SPOCK1: variants seen among roughly 807,000 people sequenced by gnomAD.
SPOCK1 encodes testican-1.
A neutral mutation model predicts 55.3 loss-of-function variants in SPOCK1; 23 were observed. That is an observed-to-expected ratio of 0.42 (90% CI 0.30 to 0.59). The LOEUF is 0.59. SPOCK1 is among the 20% of genes least tolerant of loss of function. SPOCK1 has a pLI of 0.22. For synonymous variants in SPOCK1, 226 were observed against 221.0 expected, an observed-to-expected ratio of 1.02 and a Z score of -0.20; for missense variants, 499 against 552.5, an observed-to-expected ratio of 0.90 and a Z score of 0.97.
At chr5:137,201,130 C>A (rs1755418483) in intron 3 of SPOCK1, among the ~76,000 whole-genome samples, 1 of 152,292 alleles carries the variant, frequency 6.6e-6, no homozygotes, top group African/African-American at 2.4e-5. Flanking sequence ...ATCAGCAAGA[C>A]AATGTCTCAC....
intron 2 of SPOCK1, among the ~76,000 whole-genome samples, chr5:137,425,411 G>T (rs1472998895): frequency 6.6e-6 from 1 of 151,382 alleles, no homozygotes; most frequent in Non-Finnish European, 1.5e-5. Context: ...TCCACAACCT[G>T]CCCTCCAAAA....
intron 2 of SPOCK1, among the ~76,000 whole-genome samples, chr5:137,312,731 G>A (rs1757811213): frequency 2.6e-5 from 4 of 152,174 alleles, no homozygotes; most frequent in Admixed American, 2.6e-4. Context: ...GGACAGGAAA[G>A]CACCCACAGG....
chr5:137,313,014 G>A (rs1444570382), intron 2 of SPOCK1, among the ~76,000 whole-genome samples: 5 of 152,098 alleles, frequency 3.3e-5, no homozygotes, highest in African/African-American at 1.2e-4. Context: ...GGAGTATCCT[G>A]GGTTGCTGTC....
At chr5:137,156,339 C>T (rs951696810) in intron 3 of SPOCK1, among the ~76,000 whole-genome samples, 2 of 152,200 alleles carry the variant, frequency 1.3e-5, no homozygotes, top group Non-Finnish European at 2.9e-5. Flanking sequence ...ATTCCAAAAA[C>T]TCTTCAAACC....
chr5:137,497,869 C>T (rs1416638487), intron 2 of SPOCK1, among the ~76,000 whole-genome samples: 1 of 151,112 alleles, frequency 6.6e-6, no homozygotes. Flanking sequence ...CACACACATG[C>T]AACACCTGAC....
At chr5:137,452,488 A>C (rs1044477372) in intron 2 of SPOCK1, among the ~76,000 whole-genome samples, 9 of 152,194 alleles carry the variant, frequency 5.9e-5, no homozygotes, top group African/African-American at 2.2e-4. Context: ...AAAAGAAAAA[A>C]AGTGAATCTG....
chr5:137,409,137 A>G (rs139989664), intron 2 of SPOCK1, among the ~76,000 whole-genome samples: 87 of 152,042 alleles, frequency 5.7e-4, no homozygotes, highest in Non-Finnish European at 1.1e-3. Flanking sequence ...CCCACCCCTG[A>G]CTCCATCCAG....
At chr5:137,411,712 C>A (rs1194900961) in intron 2 of SPOCK1, among the ~76,000 whole-genome samples, 1 of 152,166 alleles carries the variant, frequency 6.6e-6, no homozygotes, top group African/African-American at 2.4e-5. Flanking sequence ...ACTTCTGGGT[C>A]TGTTTATCTC....
intron 3 of SPOCK1, among the ~76,000 whole-genome samples, chr5:137,207,869 T>C (rs1755546838): frequency 6.6e-6 from 1 of 152,218 alleles, no homozygotes; most frequent in Non-Finnish European, 1.5e-5. Context: ...TCATACCCTA[T>C]GAGTCCACAA....
chr5:137,345,328 A>C (rs1405643160), intron 2 of SPOCK1, among the ~76,000 whole-genome samples: 1 of 152,256 alleles, frequency 6.6e-6, no homozygotes, highest in African/African-American at 2.4e-5. Context: ...TGAGCACTTC[A>C]GAATCCCTTC....
At chr5:137,130,287 A>T (rs1207098130) in intron 4 of SPOCK1, among the ~76,000 whole-genome samples, 3 of 152,200 alleles carry the variant, frequency 2.0e-5, no homozygotes, top group Non-Finnish European at 4.4e-5. Context: ...GTCTCTTTCA[A>T]TAGACTTTAA....
chr5:137,387,831 C>A (rs1751627304), intron 2 of SPOCK1, among the ~76,000 whole-genome samples: 1 of 151,594 alleles, frequency 6.6e-6, no homozygotes, highest in Non-Finnish European at 1.5e-5. Flanking sequence ...CTGTACTTTC[C>A]TCTCATTTTT....
chr5:137,477,477 G>A (rs1376781129), intron 2 of SPOCK1, among the ~76,000 whole-genome samples: 1 of 152,124 alleles, frequency 6.6e-6, no homozygotes, highest in Non-Finnish European at 1.5e-5. Flanking sequence ...TTCAAGGTTG[G>A]GAAGACACTT....
rs370428562 is a variant in SPOCK1, at chr5:136,978,729, C to T, written c.1245G>A (p.Val415=). 5.0e-6 allele frequency: 8 copies of T among 1,613,964 alleles called. No homozygotes were observed. The highest frequency in any genetic ancestry group is 1.3e-5 in the African/African-American group (1 of 74,904). The part of the protein sequence containing the change: ...GPKDKEGKLR[V]HTRAVTEDDE... ...CATCCTCTGTCACGGCTCGGGTGTG[C>T]ACCCTCAGCTTCCCCTCTTTGTCCT... Residue 415 remains valine, a synonymous_variant, in exon 11 of 11, where the codon GTG becomes GTA. Transcript: ENST00000394945.
At chr5:137,089,839 T>A (rs1032359233) in intron 5 of SPOCK1, among the ~76,000 whole-genome samples, 1 of 152,200 alleles carries the variant, frequency 6.6e-6, no homozygotes, top group African/African-American at 2.4e-5. Flanking sequence ...TGTGAAGCCC[T>A]AGGTTAGAGG....
intron 2 of SPOCK1, among the ~76,000 whole-genome samples, chr5:137,302,583 T>A (rs1447208032): frequency 5.6e-5 from 2 of 35,654 alleles, no homozygotes; most frequent in Admixed American, 3.9e-4. Flanking sequence ...TCTCAAAAAA[T>A]AAATAAATAA....
Position 137,301,636 on chromosome 5 carries a change from C to CTTTTTT in SPOCK1, c.187-34587_187-34582dup, listed in dbSNP as rs34828127. On this transcript the variant is annotated intron_variant, in intron 2 of 10. Coordinates refer to ENST00000394945, the MANE Select transcript of SPOCK1 (RefSeq NM_004598.4). ...ACATACTCATTAAGCATTTCGTCTC[C>CTTTTTT]TTTTTTTTTTTTTTTTTTTGAGTAT... is the stretch of plus-strand genomic sequence containing the variant. 2.3e-4 allele frequency among the ~76,000 whole-genome samples: 30 copies of CTTTTTT among 129,778 alleles called. 1 individual carries two copies. Among genetic ancestry groups the CTTTTTT allele is most frequent in the African/African-American group, 7.1e-4 (24 of 33,790 alleles). 85.1% of individuals were successfully genotyped at this position (129,778 alleles called of 152,430 possible). A position where few individuals can be genotyped will look rare whatever the true frequency, so the allele number is the denominator to read the frequency against.
intron 3 of SPOCK1, among the ~76,000 whole-genome samples, chr5:137,194,000 C>T (rs1195989030): frequency 6.6e-6 from 1 of 151,492 alleles, no homozygotes. Context: ...TACCCTAGCC[C>T]CAAAATGGCT....
At chr5:137,460,036 G>A (rs12521571) in intron 2 of SPOCK1, among the ~76,000 whole-genome samples, 34,584 of 152,168 alleles carry the variant, frequency 0.23, 4,150 homozygotes, top group Admixed American at 0.33. Context: ...AAGTATGAGC[G>A]AGAAGGATGG....
Sources: allele counts gnomAD v4.1 joint callset (sites outside exome capture counted in the v4.1 genomes callset), GRCh38; gene constraint gnomAD v4.1.1; transcripts MANE v1.5; gene names NCBI Gene and HGNC (gene_info 2026-07-23, HGNC 2026-07-21).